The following TANC2 variants were observed in gnomAD, a reference collection of about 807,000 sequenced individuals.
TANC2 encodes the protein tetratricopeptide repeat, ankyrin repeat and coiled-coil containing 2, also known as protein TANC2.
A neutral mutation model predicts 210.5 loss-of-function variants in TANC2; 26 were observed. The ratio of observed to expected loss-of-function variants is 0.12; its 90% CI spans 0.09 to 0.17. TANC2 has a LOEUF of 0.17. TANC2 is among the 10% of genes least tolerant of loss of function. The pLI, the probability that TANC2 is intolerant of heterozygous loss-of-function variation, is 1.00. For missense variants in TANC2, 2,129 were observed against 2,608.9 expected, an observed-to-expected ratio of 0.82 and a Z score of 4.01; for synonymous variants, 931 against 967.1, an observed-to-expected ratio of 0.96 and a Z score of 0.69.
chr17:63,133,683 C>T (rs1436840314), intron 4 of TANC2, among the ~76,000 whole-genome samples: 1 of 151,990 alleles, frequency 6.6e-6, no homozygotes, highest in Non-Finnish European at 1.5e-5. Context: ...GTAATTTTAC[C>T]TAGTCAGCAT....
intron 4 of TANC2, among the ~76,000 whole-genome samples, chr17:63,121,835 C>T (rs1260692223): frequency 6.6e-6 from 1 of 152,000 alleles, no homozygotes; most frequent in Non-Finnish European, 1.5e-5. Context: ...TGGTGGCATA[C>T]ATATGCCTGT....
chr17:63,075,734 T>C (rs1004575388), intron 3 of TANC2, among the ~76,000 whole-genome samples: 2 of 151,936 alleles, frequency 1.3e-5, no homozygotes, highest in African/African-American at 4.8e-5. Context: ...GCCAGGCTGG[T>C]CTCGGAACTT....
chr17:63,092,789 A>C (rs773313032), intron 3 of TANC2, among the ~76,000 whole-genome samples: 1 of 152,066 alleles, frequency 6.6e-6, no homozygotes, highest in African/African-American at 2.4e-5. Flanking sequence ...CATCATCCAA[A>C]CACCTCCCAA....
chr17:63,218,677 C>T (rs2042087199), intron 7 of TANC2, among the ~76,000 whole-genome samples: 1 of 152,130 alleles, frequency 6.6e-6, no homozygotes, highest in Non-Finnish European at 1.5e-5. Flanking sequence ...AGGTGGATAG[C>T]CTGAAGTCAG....
chr17:63,232,296 G>C (rs2042498372), intron 7 of TANC2, among the ~76,000 whole-genome samples: 1 of 152,154 alleles, frequency 6.6e-6, no homozygotes, highest in Admixed American at 6.5e-5. Context: ...TGTGCCCTTT[G>C]CTGGAGAGGT....
intron 6 of TANC2, among the ~76,000 whole-genome samples, chr17:63,196,785 G>A (rs2041359901): frequency 6.6e-6 from 1 of 152,116 alleles, no homozygotes; most frequent in African/African-American, 2.4e-5. Flanking sequence ...TACCTACTGT[G>A]TACCAATTAT....
intron 27 of TANC2, 123 bp from the exon 28 acceptor site, chr17:63,419,876 A>G: frequency 8.5e-7 from 1 of 1,175,334 alleles, no homozygotes; most frequent in Non-Finnish European, 1.2e-6. Context: ...ACTAAACCGA[A>G]ATACCCCAGA....
intron 7 of TANC2, among the ~76,000 whole-genome samples, chr17:63,204,689 A>G (rs1278034254): frequency 1.3e-5 from 2 of 152,220 alleles, no homozygotes; most frequent in African/African-American, 4.8e-5. Flanking sequence ...AAGGACTCTA[A>G]ATAGCCAAAA....
chr17:63,037,886 T>C (rs933260377), intron 2 of TANC2, among the ~76,000 whole-genome samples: 1 of 152,192 alleles, frequency 6.6e-6, no homozygotes, highest in Admixed American at 6.5e-5. Context: ...AACTAACTTA[T>C]TAGTTCTAAT....
chr17:63,216,523 T>C (rs2042031317), intron 7 of TANC2, among the ~76,000 whole-genome samples: 1 of 152,156 alleles, frequency 6.6e-6, no homozygotes, highest in Admixed American at 6.5e-5. Flanking sequence ...CTATAGCCAA[T>C]TGGTCAGAAA....
intron 11 of TANC2, among the ~76,000 whole-genome samples, chr17:63,322,325 C>T (rs545581310): frequency 3.0e-4 from 46 of 152,138 alleles, no homozygotes; most frequent in Middle Eastern, 6.8e-3. Flanking sequence ...GGTGAAGCCC[C>T]GTCTCTACTA....
intron 13 of TANC2, among the ~76,000 whole-genome samples, chr17:63,352,470 C>A (rs894173961): frequency 1.3e-5 from 2 of 152,066 alleles, no homozygotes; most frequent in African/African-American, 4.8e-5. Context: ...TCCATCTTTA[C>A]AACTAAAAAT....
chr17:63,006,278 T>C (rs920521238), intron 1 of TANC2, among the ~76,000 whole-genome samples: 1 of 152,074 alleles, frequency 6.6e-6, no homozygotes, highest in African/African-American at 2.4e-5. Context: ...TTTTTTTCTT[T>C]TTACTCTTTT....
chr17:63,332,218 GC>G (rs2045880711), intron 11 of TANC2: 1 of 359,948 alleles, frequency 2.8e-6, no homozygotes, highest in Non-Finnish European at 5.4e-6. Flanking sequence ...GGGAATTTTG[GC>G]TATAATAACC....
chr17:63,060,654 C>G (rs2035964827), intron 2 of TANC2, among the ~76,000 whole-genome samples: 1 of 151,920 alleles, frequency 6.6e-6, no homozygotes, highest in Admixed American at 6.6e-5. Context: ...AATCTTAATT[C>G]TGGAAACAAC....
At chr17:63,240,875 T>G (rs184018143) in intron 8 of TANC2, among the ~76,000 whole-genome samples, 1 of 152,340 alleles carries the variant, frequency 6.6e-6, no homozygotes, top group East Asian at 1.9e-4. Flanking sequence ...ATTCTCTTTT[T>G]GTGTTGGCAA....
chr17:62,971,444 C>T (rs1323307224), intron 1 of TANC2, among the ~76,000 whole-genome samples: 1 of 152,188 alleles, frequency 6.6e-6, no homozygotes, highest in Non-Finnish European at 1.5e-5. Context: ...ATCCTCTCAC[C>T]TCAGCCTGCT....
At chr17:63,164,837 A>G (rs2040156570) in intron 5 of TANC2, among the ~76,000 whole-genome samples, 1 of 152,202 alleles carries the variant, frequency 6.6e-6, no homozygotes, top group Non-Finnish European at 1.5e-5. Flanking sequence ...AGATTGGACA[A>G]TGTCCATTCA....
chr17:63,036,191 T>C (rs1217758311), intron 2 of TANC2, among the ~76,000 whole-genome samples: 1 of 151,834 alleles, frequency 6.6e-6, no homozygotes, highest in Non-Finnish European at 1.5e-5. Flanking sequence ...TTTGCTATCA[T>C]ATTTAAAAAC....
Sources: gnomAD v4.1 joint callset for allele counts (sites outside exome capture counted in the v4.1 genomes callset) on GRCh38, gnomAD v4.1.1 for gene constraint, MANE v1.5 for transcripts, NCBI Gene and HGNC (gene_info 2026-07-23, HGNC 2026-07-21) for gene names.